NT5DC3: variants seen among roughly 807,000 people sequenced by gnomAD.
NT5DC3 encodes 5'-nucleotidase domain containing 3.
A neutral mutation model predicts 67.8 loss-of-function variants in NT5DC3; 42 were observed. The ratio of observed to expected loss-of-function variants is 0.62; its 90% CI spans 0.48 to 0.80. The LOEUF (loss-of-function observed/expected upper bound fraction) is 0.80. Ranked by LOEUF, NT5DC3 falls within the 30% of genes least tolerant of loss-of-function variation. The pLI, the probability that NT5DC3 is intolerant of heterozygous loss-of-function variation, is 0.00. For missense variants in NT5DC3, 570 were observed against 696.4 expected (o/e 0.82, Z 2.04); for synonymous variants, 237 against 255.6 (o/e 0.93, Z 0.69).
intron 6 of NT5DC3, among the ~76,000 whole-genome samples, chr12:103,795,597 C>A (rs1054577839): frequency 2.0e-5 from 3 of 151,868 alleles, no homozygotes; most frequent in African/African-American, 4.8e-5. Context: ...TTCACGCTGC[C>A]AAAACTTACA....
chr12:103,828,853 C>G lies in NT5DC3; in HGVS notation c.208+12096G>C, dbSNP rs1331887263. On this transcript the variant is annotated intron_variant, in intron 1 of 13. Transcript: ENST00000392876. Reference sequence around the variant, plus strand: ...AGCTGGGATTACAGGTATGCACCACCATGCCCAGTTAATTTTCGTATTTTT... The same window carrying G: ...AGCTGGGATTACAGGTATGCACCACGATGCCCAGTTAATTTTCGTATTTTT... Among the ~76,000 whole-genome samples, 5 of 152,168 alleles carry G rather than the reference C, an allele frequency of 3.3e-5. No individual in the cohort carries two copies. The East Asian group carries it at 9.7e-4, about 29-fold the overall frequency.
At chr12:103,806,682 T>C (rs3812803) in intron 3 of NT5DC3, among the ~76,000 whole-genome samples, 173 bp downstream of exon 3, 39,878 of 152,122 alleles carry the variant, frequency 0.26, 5,833 homozygotes, top group East Asian at 0.59. Flanking sequence ...GCTTTTCTAA[T>C]ACATAGTCTC....
intron 4 of NT5DC3, among the ~76,000 whole-genome samples, chr12:103,801,067 G>A (rs570537142): frequency 1.6e-3 from 247 of 152,174 alleles, no homozygotes; most frequent in African/African-American, 5.7e-3. Context: ...GTACAAAAAT[G>A]AGGCTGCAGT....
At chr12:103,811,577 G>C (rs2139409149) in intron 2 of NT5DC3, among the ~76,000 whole-genome samples, 1 of 152,326 alleles carries the variant, frequency 6.6e-6, no homozygotes, top group African/African-American at 2.4e-5. Flanking sequence ...AGTCAGAGAA[G>C]CTGTCAAAGC....
At chr12:103,837,917 C>A (rs1448778740) in intron 1 of NT5DC3, among the ~76,000 whole-genome samples, 2 of 152,210 alleles carry the variant, frequency 1.3e-5, no homozygotes, top group African/African-American at 4.8e-5. Flanking sequence ...AGCAACACCC[C>A]ACTCTACTGG....
intron 1 of NT5DC3, among the ~76,000 whole-genome samples, chr12:103,836,469 G>T (rs901066192): frequency 6.6e-6 from 1 of 152,160 alleles, no homozygotes; most frequent in Non-Finnish European, 1.5e-5. Flanking sequence ...ATCCAGCCAG[G>T]CAGTCAAATT....
intron 7 of NT5DC3, 150 bp from the exon 8 acceptor site, chr12:103,793,662 C>T (rs11111781): frequency 0.4 from 254,632 of 638,316 alleles, 58,415 homozygotes; most frequent in East Asian, 0.87. Context: ...CGGTGGAACA[C>T]GGGTACATCT....
At chr12:103,766,172 ACGTGTT>A (rs766933135), downstream of NT5DC3, 3 of 1,358,612 alleles carry the variant, frequency 2.2e-6, no homozygotes, top group Admixed American at 5.2e-5. Flanking sequence ...CCCAGCACAT[ACGTGTT>A]CACAGTGCTC....
chr12:103,815,939 C>A (rs1003517033), intron 1 of NT5DC3, among the ~76,000 whole-genome samples: 5 of 152,040 alleles, frequency 3.3e-5, no homozygotes, highest in Non-Finnish European at 7.4e-5. Context: ...TATCATACAT[C>A]ATCTCACCAC....
At chr12:103,838,338 G>A (rs1250742645) in intron 1 of NT5DC3, among the ~76,000 whole-genome samples, 2 of 152,172 alleles carry the variant, frequency 1.3e-5, no homozygotes, top group African/African-American at 4.8e-5. Context: ...CATGCGCCAG[G>A]CACTGTCCTA....
At chr12:103,765,335 T>C in the NT5DC3 span, among the ~76,000 whole-genome samples, 6 of 152,160 alleles carry the variant, frequency 3.9e-5, no homozygotes, top group African/African-American at 1.4e-4. Flanking sequence ...CTAAACCTAC[T>C]ATTCAGACTA....
chr12:103,813,605 C>T (rs775117276), intron 2 of NT5DC3, among the ~76,000 whole-genome samples: 7 of 152,146 alleles, frequency 4.6e-5, no homozygotes, highest in Admixed American at 2.0e-4. Context: ...AATAAAAGTA[C>T]GGCATCCAGA....
intron 5 of NT5DC3, among the ~76,000 whole-genome samples, chr12:103,798,186 G>T (rs1328388169): frequency 1.3e-5 from 2 of 152,172 alleles, no homozygotes; most frequent in Non-Finnish European, 2.9e-5. Context: ...AACCACAAAA[G>T]ATAGAAAAGC....
chr12:103,754,451 G>A, the NT5DC3 span, among the ~76,000 whole-genome samples: 44 of 152,136 alleles, frequency 2.9e-4, no homozygotes, highest in African/African-American at 9.9e-4. Context: ...GATTTAAAAC[G>A]TTCCCACCTC....
the NT5DC3 span, among the ~76,000 whole-genome samples, chr12:103,760,497 G>A: frequency 1.3e-5 from 2 of 152,218 alleles, no homozygotes; most frequent in Non-Finnish European, 2.9e-5. Flanking sequence ...CTGGCTTCAA[G>A]TGACATGCCT....
chr12:103,766,046 G>A (rs768693049), downstream of NT5DC3: 17 of 659,958 alleles, frequency 2.6e-5, no homozygotes, highest in Admixed American at 4.1e-5. Flanking sequence ...AACTGCAGCC[G>A]AGTTGGGATG....
At chr12:103,766,423 G>T, downstream of NT5DC3, 1 of 1,472,696 alleles carries the variant, frequency 6.8e-7, no homozygotes, top group Non-Finnish European at 9.2e-7. Context: ...TTTTAGGAAC[G>T]TAAAGTCCTT....
intron 1 of NT5DC3, chr12:103,821,975 A>C (rs1887508513): frequency 6.6e-6 from 1 of 152,254 alleles, no homozygotes; most frequent in South Asian, 2.1e-4. Context: ...CATAAACACC[A>C]ATCAGCTATG....
At chr12:103,807,625 C>T (rs538465608) in intron 2 of NT5DC3, among the ~76,000 whole-genome samples, 3 of 152,204 alleles carry the variant, frequency 2.0e-5, no homozygotes, top group East Asian at 1.9e-4. Flanking sequence ...ACATGGATTA[C>T]GGTTACTATC....
Sources: allele counts gnomAD v4.1 joint callset (sites outside exome capture counted in the v4.1 genomes callset), GRCh38; gene constraint gnomAD v4.1.1; transcripts MANE v1.5; gene names NCBI Gene and HGNC (gene_info 2026-07-23, HGNC 2026-07-21).